LRRC4C: variants seen among roughly 807,000 people sequenced by gnomAD.
LRRC4C encodes leucine-rich repeat-containing protein 4C.
In LRRC4C, 5 loss-of-function variants were observed where a neutral mutation model predicts 33.6. That is an observed-to-expected ratio of 0.15 (90% CI 0.08 to 0.31). The LOEUF (loss-of-function observed/expected upper bound fraction) is 0.31, where lower values mean the gene tolerates loss of function less well. LRRC4C is among the 10% of genes least tolerant of loss of function. LRRC4C has a pLI of 1.00. For synonymous variants in LRRC4C, 329 were observed against 302.0 expected, an observed-to-expected ratio of 1.09 and a Z score of -0.93; for missense variants, 560 against 796.7, an observed-to-expected ratio of 0.70 and a Z score of 3.58.
chr11:40,584,551 G>A (rs1033238919), intron 3 of LRRC4C, among the ~76,000 whole-genome samples: 1 of 152,028 alleles, frequency 6.6e-6, no homozygotes, highest in African/African-American at 2.4e-5. Context: ...TCATGGGATG[G>A]AAAAACAATT....
intron 1 of LRRC4C, among the ~76,000 whole-genome samples, chr11:41,373,883 T>C (rs1209265330): frequency 6.6e-6 from 1 of 152,208 alleles, no homozygotes; most frequent in Non-Finnish European, 1.5e-5. Flanking sequence ...CAATATTCAG[T>C]TAAATATTGC....
intron 1 of LRRC4C, among the ~76,000 whole-genome samples, chr11:41,085,823 G>A (rs111568256): frequency 1.9e-4 from 28 of 149,930 alleles, no homozygotes; most frequent in African/African-American, 6.9e-4. Context: ...TACTTAAGAT[G>A]GATTTTTTCG....
chr11:40,915,119 C>T (rs1565199044), intron 2 of LRRC4C, among the ~76,000 whole-genome samples: 1 of 152,054 alleles, frequency 6.6e-6, no homozygotes, highest in Non-Finnish European at 1.5e-5. Context: ...GGCCATACTG[C>T]CCAAGGTAAT....
At chr11:40,211,041 T>C (rs1863566637) in intron 5 of LRRC4C, among the ~76,000 whole-genome samples, 1 of 152,182 alleles carries the variant, frequency 6.6e-6, no homozygotes, top group South Asian at 2.1e-4. Flanking sequence ...CCTCCCAAAG[T>C]GCTAGGATCA....
intron 3 of LRRC4C, among the ~76,000 whole-genome samples, chr11:40,338,425 T>C (rs970849581): frequency 6.6e-6 from 1 of 152,196 alleles, no homozygotes; most frequent in African/African-American, 2.4e-5. Flanking sequence ...CTTAATTGAC[T>C]ACAGAAGTCT....
At chr11:41,133,403 T>C (rs1233991131) in intron 1 of LRRC4C, among the ~76,000 whole-genome samples, 5 of 152,140 alleles carry the variant, frequency 3.3e-5, no homozygotes, top group African/African-American at 1.2e-4. Flanking sequence ...TAGAAGTTTC[T>C]TGATTTTCTT....
At chr11:40,615,258 A>ATATATG (rs1194963114) in intron 3 of LRRC4C, among the ~76,000 whole-genome samples, 5 of 50,892 alleles carry the variant, frequency 9.8e-5, no homozygotes, top group African/African-American at 1.9e-4. Flanking sequence ...ATATATATAT[A>ATATATG]TATATATACA....
chr11:40,771,916 A>T (rs1223437234), intron 2 of LRRC4C, among the ~76,000 whole-genome samples: 1 of 152,130 alleles, frequency 6.6e-6, no homozygotes. Flanking sequence ...CTAAGTCCAA[A>T]GGGAGTTCCA....
chr11:41,101,117 C>G (rs1189981974), intron 1 of LRRC4C, among the ~76,000 whole-genome samples: 1 of 151,988 alleles, frequency 6.6e-6, no homozygotes, highest in Non-Finnish European at 1.5e-5. Context: ...GAGAAAGTGC[C>G]AAAAGCAATT....
intron 1 of LRRC4C, among the ~76,000 whole-genome samples, chr11:41,318,365 GGT>G (rs2137248250): frequency 6.6e-6 from 1 of 152,208 alleles, no homozygotes; most frequent in South Asian, 2.1e-4. Context: ...AACCTTACCT[GGT>G]AGTGCAAGGG....
chr11:40,962,914 A>T (rs1241701613), intron 1 of LRRC4C, among the ~76,000 whole-genome samples: 1 of 151,778 alleles, frequency 6.6e-6, no homozygotes, highest in East Asian at 1.9e-4. Flanking sequence ...AGCAGGAAGA[A>T]TGCCTTATTT....
At chr11:40,595,004 G>A (rs1330772045) in intron 3 of LRRC4C, among the ~76,000 whole-genome samples, 1 of 151,968 alleles carries the variant, frequency 6.6e-6, no homozygotes. Context: ...CTTTTACACA[G>A]TAAGTTTTAA....
At chr11:41,058,451 AT>A (rs1858806955) in intron 1 of LRRC4C, among the ~76,000 whole-genome samples, 1 of 152,242 alleles carries the variant, frequency 6.6e-6, no homozygotes, top group Non-Finnish European at 1.5e-5. Context: ...CTTGGCAGGC[AT>A]GGGACCCAAG....
At chr11:41,062,478 C>G (rs1036791385) in intron 1 of LRRC4C, among the ~76,000 whole-genome samples, 1 of 152,172 alleles carries the variant, frequency 6.6e-6, no homozygotes, top group Non-Finnish European at 1.5e-5. Flanking sequence ...CAGATGCACT[C>G]TTTCTTTGCT....
At chr11:40,182,436 G>T (rs1448024579) in intron 5 of LRRC4C, among the ~76,000 whole-genome samples, 2 of 152,150 alleles carry the variant, frequency 1.3e-5, no homozygotes, top group South Asian at 2.1e-4. Flanking sequence ...TAAAATTTCT[G>T]CATCTCTTTA....
intron 4 of LRRC4C, among the ~76,000 whole-genome samples, chr11:40,242,451 G>A (rs991389323): frequency 2.6e-5 from 4 of 152,042 alleles, no homozygotes; most frequent in East Asian, 1.9e-4. Flanking sequence ...TCAGAAAGTC[G>A]GGGAATGGTT....
chr11:40,881,351 C>G (rs1200488135), intron 2 of LRRC4C, among the ~76,000 whole-genome samples: 1 of 152,098 alleles, frequency 6.6e-6, no homozygotes, highest in Non-Finnish European at 1.5e-5. Context: ...GGACACATGT[C>G]TTACTCATTT....
At chr11:40,665,872 GAATTT>G (rs1024666174) in intron 2 of LRRC4C, among the ~76,000 whole-genome samples, 4 of 151,998 alleles carry the variant, frequency 2.6e-5, no homozygotes, top group Non-Finnish European at 2.9e-5. Context: ...ATAAGAAATA[GAATTT>G]AATAGAATAG....
chr11:41,218,281 T>C (rs1037324776), intron 1 of LRRC4C, among the ~76,000 whole-genome samples: 1 of 152,150 alleles, frequency 6.6e-6, no homozygotes, highest in Non-Finnish European at 1.5e-5. Flanking sequence ...TCAACTTACT[T>C]TACTTAAGAA....
Sources: gnomAD v4.1 joint callset for allele counts (sites outside exome capture counted in the v4.1 genomes callset) on GRCh38, gnomAD v4.1.1 for gene constraint, MANE v1.5 for transcripts, NCBI Gene and HGNC (gene_info 2026-07-23, HGNC 2026-07-21) for gene names.